Variants in TTN observed in about 807,000 individuals in gnomAD.
TTN encodes connectin.
TTN carries 1,525 observed loss-of-function variants against 3,223.0 expected under a neutral mutation model. The ratio of observed to expected loss-of-function variants is 0.47; its 90% CI spans 0.45 to 0.49. The LOEUF is 0.49. Among genes scored for constraint, TTN ranks in the 20% least tolerant of loss-of-function variants. The pLI is 0.00. For missense variants in TTN, 40,786 were observed against 43,424.0 expected (o/e 0.94, Z 5.40); for synonymous variants, 14,094 against 15,161.0 (o/e 0.93, Z 5.17).
In TTN at chr2:178,681,720, G is replaced by A. The variant is rs1426920560; in HGVS notation, c.33113C>T (p.Pro11038Leu). The A allele has an allele frequency of 1.3e-6, 2 of 1,599,942 alleles. No homozygotes were observed. Among genetic ancestry groups the A allele is most frequent in the African/African-American group, 2.7e-5 (2 of 73,782 alleles). ...EYITEPEKPI[P>L]VKPVPEEPVP... ...TGGTTCTTCTGGGACAGGCTTTACA[G>A]GGATAGGCTTCTCTGGTTCTTTAAA... Residue 11038 changes from proline to leucine, a missense_variant, in exon 136 of 363, where the codon CCT becomes CTT. Coordinates refer to ENST00000589042, the MANE Select transcript of TTN (RefSeq NM_001267550.2).
intron 71 of TTN, 93 bp downstream of exon 71, chr2:178,725,275 C>T (rs1300573337): frequency 1.5e-6 from 2 of 1,323,320 alleles, no homozygotes; most frequent in Admixed American, 3.2e-5. Context: ...AAATATAGTT[C>T]TAGAAGAAAC....
chr2:178,649,339 G>A lies in TTN; in HGVS notation c.39974-8C>T, dbSNP rs1401107760. 7.7e-6 allele frequency: 11 copies of A among 1,436,372 alleles called. No individual in the cohort carries two copies. The highest frequency in any genetic ancestry group is 1.8e-4 in the Middle Eastern group (1 of 5,520). The allele number at this position is 1,436,372 out of a possible 1,614,324, so 89.0% of individuals were successfully genotyped here. On this transcript the variant is annotated splice_region_variant and splice_polypyrimidine_tract_variant and intron_variant, in intron 212 of 362. Coordinates refer to ENST00000589042, the MANE Select transcript of TTN (RefSeq NM_001267550.2). ...TCTTGGGCACCTCAGGCACTTTGAAGATATTAGTTTTGTTTTAAAAATAGT... is the reference window on the plus strand; with the variant it reads ...TCTTGGGCACCTCAGGCACTTTGAAAATATTAGTTTTGTTTTAAAAATAGT...
intron 17 of TTN, 65 bp downstream of exon 17, chr2:178,783,655 A>G (rs2092959374): frequency 7.4e-7 from 1 of 1,349,836 alleles, no homozygotes; most frequent in Non-Finnish European, 1.1e-6. Context: ...GATCTTTGCA[A>G]ACGTGTATTA....
rs766125478 is a variant in TTN, at chr2:178,717,761, C to T, written c.25113G>A (p.Glu8371=). Residue 8371 remains glutamate (E), a synonymous_variant, in exon 87 of 363, where the codon GAG becomes GAA. Coordinates refer to ENST00000589042, the MANE Select transcript of TTN (RefSeq NM_001267550.2). ...CAAATGCAACTGGGAAGCCTAGAGT[C>T]TCATGAACGTCTTTCAGTTTTCTTG... ...FFARKLKDVH[E]TLGFPVAFEC... 3.7e-6 allele frequency: 6 copies of T among 1,611,438 alleles called. No individual in the cohort carries two copies. The highest frequency in any genetic ancestry group is 5.1e-6 in the Non-Finnish European group (6 of 1,178,740).
chr2:178,703,563 G>C (rs1276454342), intron 106 of TTN, among the ~76,000 whole-genome samples: 3 of 152,180 alleles, frequency 2.0e-5, no homozygotes, highest in African/African-American at 4.8e-5. Context: ...AATACAGTTT[G>C]AGGGTGTCTT....
Position 178,592,411 on chromosome 2 carries a change from G to A in TTN, c.59594C>T (p.Ser19865Leu). 1 of 1,612,994 alleles carries A rather than the reference G, an allele frequency of 6.2e-7. No individual in the cohort carries two copies. ...YSLTVENPAGSKTVSVKVLVL... is the reference protein window; with the variant it reads ...YSLTVENPAGLKTVSVKVLVL... ...AAGTACTTTTACTGAGACAGTTTTT[G>A]AACCAGCTGGATTCTCCACTGTTAA... is the stretch of plus-strand genomic sequence containing the variant. The change falls in exon 301 of 363, where the codon TCA becomes TTA. Residue 19865 changes from serine (S) to leucine (L), a missense_variant. Coordinates refer to ENST00000589042, the MANE Select transcript of TTN (RefSeq NM_001267550.2).
At position 178,541,575 on chromosome 2, in the gene TTN, C is replaced by T. The variant is rs1694532361; in HGVS notation, c.97502G>A (p.Gly32501Glu). 1 of 1,605,936 alleles carries T rather than the reference C, an allele frequency of 6.2e-7. No individual in the cohort carries two copies. The highest frequency in any genetic ancestry group is 8.5e-7 in the Non-Finnish European group (1 of 1,175,026). ...AAATATCTGTAATGTTTCTGGGGGT[C>T]CAGGAATACCTGCAGCAAGACAGAG... is the stretch of plus-strand genomic sequence containing the variant. ...IECRSSIRIP[G>E]PPETLQIFDV... The change falls in exon 350 of 363, where the codon GGA becomes GAA. Residue 32501 changes from glycine to glutamate, a missense_variant. Coordinates refer to ENST00000589042, the MANE Select transcript of TTN (RefSeq NM_001267550.2).
chr2:178,718,743 T>C lies in TTN; in HGVS notation c.24457A>G (p.Thr8153Ala). 1 of 1,613,828 alleles carries C rather than the reference T, an allele frequency of 6.2e-7. No individual in the cohort carries two copies. The part of the protein sequence containing the change: ...LESGDYSCLV[T>A]NDAGSASCTT... The stretch of plus-strand genomic sequence containing the variant: ...CAGGAAGCACTGCCAGCATCATTTG[T>C]AACGAGGCAAGAATAGTCTCCACTT... Residue 8153 changes from threonine to alanine, a missense_variant, in exon 84 of 363, where the codon ACA becomes GCA. Transcript: ENST00000589042.
rs1473998672 is a variant in TTN, at chr2:178,570,418, T to C, written c.75714A>G (p.Ile25238Met). The C allele has an allele frequency of 3.7e-6, 6 of 1,613,188 alleles. No homozygotes were observed. The highest frequency in any genetic ancestry group is 1.7e-4 in the Middle Eastern group (1 of 6,052). Residue 25238 changes from isoleucine (I) to methionine (M), a missense_variant, in exon 326 of 363, where the codon ATA (isoleucine) becomes ATG (methionine). Physicochemically the swap from Ile to Met is conservative, Grantham distance 10. Coordinates refer to ENST00000589042, the MANE Select transcript of TTN (RefSeq NM_001267550.2). ...PPLQDGGSDI[I>M]NYIVERRETS... The stretch of plus-strand genomic sequence containing the variant: ...TTTCTCTCCTTTCCACAATATAATT[T>C]ATGATGTCACTCCCACCATCCTGAA...
rs762859509 is a variant in TTN, at chr2:178,528,570, G to A, written c.107181C>T (p.Gly35727=). ...QNVLFTCEIS[G]EPSPEIEWFK... is the part of the protein sequence containing the mutation. ...ACCATTCGATTTCAGGGGATGGCTC[G>A]CCACTGATTTCACAAGTAAAGAGAA... Residue 35727 remains glycine, a synonymous_variant, in exon 360 of 363, where the codon GGC becomes GGT. Transcript: ENST00000589042. 7.4e-6 allele frequency: 12 copies of A among 1,611,922 alleles called. No individual in the cohort carries two copies. The highest frequency in any genetic ancestry group is 4.5e-5 in the East Asian group (2 of 44,844).
At position 178,531,423 on chromosome 2, in the gene TTN, AAC is replaced by A. The variant is rs770878165; in HGVS notation, c.105190_105191del (p.Val35064PhefsTer4). On this transcript the variant is annotated frameshift_variant, in exon 358 of 363. Coordinates refer to ENST00000589042, the MANE Select transcript of TTN (RefSeq NM_001267550.2). LOFTEE classifies it high-confidence loss of function. ...TCTCAGATGTTTTCTTAAATGATGA[AAC>A]AGCATACGCCTCTGTTCTTGTCAGC... ...PELTRTEAYA[V>X]SSFKKTSEME... is the part of the protein sequence containing the mutation. 1.1e-5 allele frequency: 18 copies of A among 1,613,986 alleles called. No individual in the cohort carries two copies. The highest frequency in any genetic ancestry group is 1.5e-5 in the Non-Finnish European group (18 of 1,179,886).
Position 178,714,570 on chromosome 2 carries a change from G to A in TTN, c.26204C>T (p.Pro8735Leu). 6.3e-7 allele frequency: 1 copy of A among 1,588,676 alleles called. No individual in the cohort carries two copies. Among genetic ancestry groups the A allele is most frequent in the South Asian group, 1.1e-5 (1 of 87,362 alleles). ...ACTGAGCTTCTTCACAAATCTTGGT[G>A]GTGCTGATGAAAAAGGAGGAAAGCC... ...TCVGSIALKA[P>L]PRFVKKLSDI... Residue 8735 changes from proline (P) to leucine (L), a missense_variant, in exon 91 of 363, where the codon CCA (proline) becomes CTA (leucine). Coordinates refer to ENST00000589042, the MANE Select transcript of TTN (RefSeq NM_001267550.2).
At position 178,735,853 on chromosome 2, in the gene TTN, A is replaced by T; in HGVS notation, c.14593T>A (p.Tyr4865Asn). Residue 4865 changes from tyrosine to asparagine, a missense_variant, in exon 50 of 363, where the codon TAT becomes AAT. Transcript: ENST00000589042. The stretch of plus-strand genomic sequence containing the variant: ...AACTTGTTGGAAGCCTTACAAGAAT[A>T]AACTCCTCTATCTTGAATGGTAAGG... ...SNLTIQDRGV[Y>N]SCKASNKFGA... is the part of the protein sequence containing the mutation. 1.9e-6 allele frequency: 3 copies of T among 1,613,864 alleles called. No individual in the cohort carries two copies. Among genetic ancestry groups the T allele is most frequent in the Non-Finnish European group, 2.5e-6 (3 of 1,179,812 alleles).
Position 178,567,412 on chromosome 2 carries a change from A to G in TTN, c.78720T>C (p.Cys26240=), listed in dbSNP as rs974227290. 6.2e-7 allele frequency: 1 copy of G among 1,603,684 alleles called. No individual in the cohort carries two copies. Among genetic ancestry groups the G allele is most frequent in the Non-Finnish European group, 8.5e-7 (1 of 1,175,786 alleles). Residue 26240 remains cysteine (C), a synonymous_variant, in exon 326 of 363, where the codon TGT becomes TGC. Coordinates refer to ENST00000589042, the MANE Select transcript of TTN (RefSeq NM_001267550.2). ...CCTTGAAATCTGTGTTCTTTATTTC[A>G]CATCTAGCAGATTCTTCAATTTCCT... is the stretch of plus-strand genomic sequence containing the variant. The part of the protein sequence containing the change: ...GDKEIEESAR[C]EIKNTDFKAL...
intron 114 of TTN, 130 bp from the exon 115 acceptor site, chr2:178,695,540 C>T (rs1465278527): frequency 2.9e-6 from 2 of 697,320 alleles, no homozygotes; most frequent in African/African-American, 3.6e-5. Flanking sequence ...ATCGTTATTA[C>T]CAACACAATT....
chr2:178,723,012 T>C (rs756935652), intron 75 of TTN, 34 bp downstream of exon 75: 37 of 1,604,578 alleles, frequency 2.3e-5, no homozygotes, highest in Non-Finnish European at 2.8e-5. Flanking sequence ...GTTAGAAGAA[T>C]GCAAATGATT....
Position 178,595,788 on chromosome 2 carries a change from G to T in TTN, c.57566C>A (p.Thr19189Lys). The T allele has an allele frequency of 6.2e-7, 1 of 1,604,534 alleles. No homozygotes were observed. Among genetic ancestry groups the T allele is most frequent in the Non-Finnish European group, 8.5e-7 (1 of 1,175,488 alleles). Residue 19189 changes from threonine (T) to lysine (K), a missense_variant, in exon 295 of 363, where the codon ACA (threonine) becomes AAA (lysine). Thr to Lys is a moderately conservative substitution (Grantham distance 78). Coordinates refer to ENST00000589042, the MANE Select transcript of TTN (RefSeq NM_001267550.2). Reference sequence around the variant, plus strand: ...GGTTAGGTTGTGAGCTAGGAATGGTGTTCCAACGGGACCTGGAACATCTGG... The same window carrying T: ...GGTTAGGTTGTGAGCTAGGAATGGTTTTCCAACGGGACCTGGAACATCTGG... ...DVLDVPGPVGTPFLAHNLTNE... is the reference protein window; with the variant it reads ...DVLDVPGPVGKPFLAHNLTNE...
chr2:178,562,809 T>C lies in TTN; in HGVS notation c.83323A>G (p.Ile27775Val), dbSNP rs3829746. Residue 27775 changes from isoleucine to valine, a missense_variant, in exon 326 of 363, where the codon ATA (isoleucine) becomes GTA (valine). Coordinates refer to ENST00000589042, the MANE Select transcript of TTN (RefSeq NM_001267550.2). Reference protein sequence around the residue: ...DSPSAPVNLTIREVKKDSVTL... With the variant: ...DSPSAPVNLTVREVKKDSVTL... ...ACTGAGTCTTTCTTCACTTCTCTTA[T>C]GGTCAAATTCACAGGGGCACTTGGT... 0.28 allele frequency: 447,208 copies of C among 1,612,474 alleles called. 74,712 individuals carry two copies. The highest frequency in any genetic ancestry group is 0.69 in the East Asian group (31,022 of 44,662).
Position 178,611,244 on chromosome 2 carries a change from T to C in TTN, c.50885A>G (p.His16962Arg). The C allele has an allele frequency of 1.9e-6, 3 of 1,612,458 alleles. No homozygotes were observed. Among genetic ancestry groups the C allele is most frequent in the Non-Finnish European group, 2.5e-6 (3 of 1,179,174 alleles). ...DCKPTIDLET[H>R]DIIVIEGEKL... Reference sequence around the variant, plus strand: ...TTCACCTTCAATAACAATAATGTCATGAGTCTCCAGGTCAATTGTTGGCTT... The same window carrying C: ...TTCACCTTCAATAACAATAATGTCACGAGTCTCCAGGTCAATTGTTGGCTT... Residue 16962 changes from histidine (H) to arginine (R), a missense_variant, in exon 270 of 363, where the codon CAT becomes CGT. His to Arg is a conservative substitution (Grantham distance 29). Transcript: ENST00000589042.
Sources: gnomAD v4.1 joint callset for allele counts (sites outside exome capture counted in the v4.1 genomes callset) on GRCh38, gnomAD v4.1.1 for gene constraint, MANE v1.5 for transcripts, NCBI Gene and HGNC (gene_info 2026-07-23, HGNC 2026-07-21) for gene names.